The following SLC25A21 variants were observed in gnomAD, a reference collection of about 807,000 sequenced individuals.
The protein encoded by SLC25A21 is mitochondrial 2-oxodicarboxylate carrier.
A neutral mutation model predicts 43.8 loss-of-function variants in SLC25A21; 47 were observed. That is an observed-to-expected ratio of 1.07 (90% confidence interval 0.85 to 1.37). The LOEUF (loss-of-function observed/expected upper bound fraction) is 1.37, where lower values mean the gene tolerates loss of function less well. SLC25A21 is among the 40% of genes most tolerant of loss of function. The pLI, the probability that SLC25A21 is intolerant of heterozygous loss-of-function variation, is 0.00. For synonymous variants in SLC25A21, 131 were observed against 121.3 expected (o/e 1.08, Z -0.52); for missense variants, 352 against 350.2 (o/e 1.00, Z -0.04).
At chr14:36,908,261 C>T (rs1891588276) in intron 1 of SLC25A21, among the ~76,000 whole-genome samples, 1 of 152,150 alleles carries the variant, frequency 6.6e-6, no homozygotes, top group Non-Finnish European at 1.5e-5. Flanking sequence ...TTCACTGTGA[C>T]AAATGTACTA....
intron 1 of SLC25A21, among the ~76,000 whole-genome samples, chr14:36,972,419 A>C (rs1382881540): frequency 6.6e-6 from 1 of 152,222 alleles, no homozygotes; most frequent in Non-Finnish European, 1.5e-5. Flanking sequence ...AAGAATAATT[A>C]AGGCCATGGT....
At chr14:37,145,706 C>A (rs1039259355) in intron 1 of SLC25A21, among the ~76,000 whole-genome samples, 2 of 152,084 alleles carry the variant, frequency 1.3e-5, no homozygotes, top group Admixed American at 6.6e-5. Context: ...GAAAACAAAC[C>A]TACCTCCAAA....
chr14:36,942,075 T>C (rs953446726), intron 1 of SLC25A21, among the ~76,000 whole-genome samples: 3 of 150,266 alleles, frequency 2.0e-5, no homozygotes, highest in Admixed American at 6.7e-5. Context: ...TTATTTTTAT[T>C]ACACGTGTTT....
intron 2 of SLC25A21, among the ~76,000 whole-genome samples, chr14:36,829,727 C>A (rs1888966554): frequency 6.6e-6 from 1 of 152,172 alleles, no homozygotes; most frequent in Non-Finnish European, 1.5e-5. Context: ...TAACCCATGT[C>A]CAGGAGATAA....
Position 36,937,999 on chromosome 14 carries a change from CT to C in SLC25A21, c.71-62996del, listed in dbSNP as rs564516131. On this transcript the variant is annotated intron_variant, in intron 1 of 9. Transcript: ENST00000331299. ...AGACATTTTCTGGAGAGAAGAACAA[CT>C]TTTTTTAAAAAAAAATTTTTTTTAA... Among the ~76,000 whole-genome samples the C allele has an allele frequency of 4.1e-3, 623 of 152,026 alleles. 5 individuals are homozygous for C. The highest frequency in any genetic ancestry group is 0.014 in the African/African-American group (579 of 41,448).
At chr14:37,099,584 T>C (rs999147966) in intron 1 of SLC25A21, among the ~76,000 whole-genome samples, 11 of 152,122 alleles carry the variant, frequency 7.2e-5, no homozygotes, top group Non-Finnish European at 1.5e-4. Context: ...CCTGCCAGGA[T>C]GTTCCCCCCG....
intron 3 of SLC25A21, among the ~76,000 whole-genome samples, chr14:36,802,675 C>T (rs1021597961): frequency 6.6e-6 from 1 of 152,112 alleles, no homozygotes; most frequent in Non-Finnish European, 1.5e-5. Flanking sequence ...ATTATTTCCC[C>T]TTTGGATGAT....
chr14:36,918,671 TACAA>T (rs1440830184), intron 1 of SLC25A21, among the ~76,000 whole-genome samples: 1 of 152,062 alleles, frequency 6.6e-6, no homozygotes, highest in African/African-American at 2.4e-5. Flanking sequence ...TTCAATTTAA[TACAA>T]ACAAATTTCA....
intron 1 of SLC25A21, among the ~76,000 whole-genome samples, chr14:36,921,968 A>C (rs1317187901): frequency 6.6e-6 from 1 of 152,002 alleles, no homozygotes; most frequent in Non-Finnish European, 1.5e-5. Context: ...AACATGGTGA[A>C]ACCCCATCTC....
intron 3 of SLC25A21, among the ~76,000 whole-genome samples, chr14:36,766,143 C>T (rs1417959940): frequency 6.7e-6 from 1 of 149,664 alleles, no homozygotes; most frequent in Non-Finnish European, 1.5e-5. Context: ...CTCTTTCTCT[C>T]AACCATGATC....
At chr14:36,706,232 G>A (rs182781306) in intron 7 of SLC25A21, among the ~76,000 whole-genome samples, 23 of 152,168 alleles carry the variant, frequency 1.5e-4, no homozygotes, top group Admixed American at 7.2e-4. Context: ...TCACATCATC[G>A]GGACCATCTC....
chr14:37,041,459 A>G (rs1377378453), intron 1 of SLC25A21, among the ~76,000 whole-genome samples: 1 of 152,092 alleles, frequency 6.6e-6, no homozygotes, highest in Non-Finnish European at 1.5e-5. Context: ...GTTCAAATCC[A>G]GTCTGAGCAA....
At chr14:37,112,497 G>C (rs964858148) in intron 1 of SLC25A21, among the ~76,000 whole-genome samples, 1 of 152,176 alleles carries the variant, frequency 6.6e-6, no homozygotes, top group African/African-American at 2.4e-5. Context: ...TTCCTTCCTT[G>C]TAATAATAGA....
At chr14:37,061,275 A>G (rs1304928266) in intron 1 of SLC25A21, among the ~76,000 whole-genome samples, 2 of 152,230 alleles carry the variant, frequency 1.3e-5, no homozygotes, top group Non-Finnish European at 2.9e-5. Flanking sequence ...ACCAACGAAC[A>G]GCAACTGGTC....
chr14:36,863,582 A>G (rs866810858), intron 2 of SLC25A21, among the ~76,000 whole-genome samples: 5 of 152,236 alleles, frequency 3.3e-5, no homozygotes, highest in Admixed American at 6.5e-5. Context: ...TTGATTTAAC[A>G]TAATAGAACT....
intron 1 of SLC25A21, among the ~76,000 whole-genome samples, chr14:37,011,250 T>G (rs1174633106): frequency 6.6e-6 from 1 of 152,148 alleles, no homozygotes. Flanking sequence ...CTCAAACTCC[T>G]GCCCTCAAGA....
chr14:36,971,783 C>T (rs1959756586), intron 1 of SLC25A21, among the ~76,000 whole-genome samples: 1 of 152,148 alleles, frequency 6.6e-6, no homozygotes, highest in Non-Finnish European at 1.5e-5. Flanking sequence ...TTCATATGCC[C>T]ATTAATGTAG....
intron 5 of SLC25A21, among the ~76,000 whole-genome samples, chr14:36,726,895 G>A (rs1006777943): frequency 6.6e-6 from 1 of 152,188 alleles, no homozygotes; most frequent in Non-Finnish European, 1.5e-5. Flanking sequence ...TTCTAAATAG[G>A]AGAGGACGGA....
At chr14:36,683,029 T>C (rs1216774928) in intron 9 of SLC25A21, among the ~76,000 whole-genome samples, 1 of 151,952 alleles carries the variant, frequency 6.6e-6, no homozygotes, top group Non-Finnish European at 1.5e-5. Context: ...AGGGGAGGTG[T>C]AGGAGAAGGT....
Sources: allele counts gnomAD v4.1 joint callset (sites outside exome capture counted in the v4.1 genomes callset), GRCh38; gene constraint gnomAD v4.1.1; transcripts MANE v1.5; gene names NCBI Gene and HGNC (gene_info 2026-07-23, HGNC 2026-07-21).